RMDN2: variants seen among roughly 807,000 people sequenced by gnomAD.
RMDN2 encodes the protein regulator of microtubule dynamics 2.
In RMDN2, 61 loss-of-function variants were observed where a neutral mutation model predicts 52.8. The ratio of observed to expected loss-of-function variants is 1.16; its 90% CI spans 0.94 to 1.43. The LOEUF (loss-of-function observed/expected upper bound fraction) is 1.43, where lower values mean the gene tolerates loss of function less well. Ranked by LOEUF, RMDN2 falls within the 40% of genes most tolerant of loss-of-function variation. RMDN2 has a pLI of 0.00. For missense variants in RMDN2, 592 were observed against 475.3 expected (o/e 1.25, Z -2.28); for synonymous variants, 180 against 153.1 (o/e 1.18, Z -1.30).
intron 2 of RMDN2, among the ~76,000 whole-genome samples, chr2:37,972,620 G>A (rs555386037): frequency 1.1e-4 from 16 of 152,266 alleles, no homozygotes; most frequent in African/African-American, 3.6e-4. Flanking sequence ...CTACTCTGTT[G>A]AGAATAGAAT....
intron 2 of RMDN2, among the ~76,000 whole-genome samples, chr2:37,937,973 T>C (rs2124918406): frequency 1.3e-5 from 2 of 152,350 alleles, no homozygotes. Flanking sequence ...GTGCCGGTTT[T>C]TAAAGGAAAT....
rs2125185710 is a variant in RMDN2, at chr2:38,002,721, G to C, written c.1045-1270G>C. ...CAAACGGCTGATAGTGGTTACCTCTGTGGCATGAGCCTGAAGTTGAGAATA... is the reference window on the plus strand; with the variant it reads ...CAAACGGCTGATAGTGGTTACCTCTCTGGCATGAGCCTGAAGTTGAGAATA... On this transcript the variant is annotated intron_variant, in intron 8 of 10. Transcript: ENST00000354545. The C allele has an allele frequency of 1.3e-5, 2 of 152,366 alleles. 1 individual carries two copies. The highest frequency in any genetic ancestry group is 1.3e-4 in the Admixed American group (2 of 15,308). The allele number at this position is 152,366 out of a possible 1,614,324, so 9.4% of individuals were successfully genotyped here. A position where few individuals can be genotyped will look rare whatever the true frequency, so the allele number is the denominator to read the frequency against.
At chr2:37,957,054 A>G (rs1669573874) in intron 2 of RMDN2, among the ~76,000 whole-genome samples, 1 of 152,062 alleles carries the variant, frequency 6.6e-6, no homozygotes, top group Non-Finnish European at 1.5e-5. Context: ...TCAGTCTATC[A>G]CTCATGGGCA....
At chr2:38,040,519 CA>C (rs1422700342) in intron 10 of RMDN2, among the ~76,000 whole-genome samples, 2 of 152,152 alleles carry the variant, frequency 1.3e-5, no homozygotes, top group Non-Finnish European at 2.9e-5. Flanking sequence ...CACCAGACAC[CA>C]CATCTGCTGG....
chr2:38,022,280 A>G (rs1481105029), downstream of RMDN2, among the ~76,000 whole-genome samples: 1 of 152,248 alleles, frequency 6.6e-6, no homozygotes, highest in African/African-American at 2.4e-5. Flanking sequence ...TGACAGGATT[A>G]TATGTAGAAC....
intron 2 of RMDN2, among the ~76,000 whole-genome samples, chr2:37,934,556 A>T (rs1667129831): frequency 6.6e-6 from 1 of 151,828 alleles, no homozygotes; most frequent in East Asian, 1.9e-4. Flanking sequence ...TTTATTTTTT[A>T]TTTTTTATTT....
chr2:37,923,838 C>T (rs1666101584), upstream of RMDN2, among the ~76,000 whole-genome samples: 1 of 152,190 alleles, frequency 6.6e-6, no homozygotes, highest in African/African-American at 2.4e-5. Flanking sequence ...CAACTTCTGC[C>T]TCTGAGGTTT....
chr2:37,962,797 A>T (rs938299543), intron 2 of RMDN2, among the ~76,000 whole-genome samples: 6 of 152,118 alleles, frequency 3.9e-5, no homozygotes, highest in Non-Finnish European at 5.9e-5. Flanking sequence ...ACGGCTGCCC[A>T]GTTTTGTGCT....
chr2:37,967,371 T>C (rs1456178910), intron 2 of RMDN2, among the ~76,000 whole-genome samples: 1 of 152,192 alleles, frequency 6.6e-6, no homozygotes, highest in Non-Finnish European at 1.5e-5. Flanking sequence ...TCTTGAAGCA[T>C]TTCTTTAAGG....
exon 11 of RMDN2, chr2:38,067,000 TA>T: frequency 1.9e-6 from 3 of 1,613,892 alleles, no homozygotes; most frequent in Non-Finnish European, 1.7e-6. Context: ...GTCTGGAAGA[TA>T]AAGAGCCTTT....
rs143149132 is a variant in RMDN2, at chr2:37,974,185, T to G, written c.598T>G (p.Phe200Val). ...GAGTGAGTCTGGCAAGTCGGAGAGT[T>G]TTGAACTACTTCGTGACCACAAAGA... The part of the protein sequence containing the change: ...RMSESGKSES[F>V]ELLRDHKEKF... The change falls in exon 3 of 11, where the codon TTT (phenylalanine) becomes GTT (valine). Residue 200 changes from phenylalanine to valine, a missense_variant. Transcript: ENST00000354545. 7.4e-6 allele frequency: 12 copies of G among 1,612,700 alleles called. No homozygotes were observed. The African/African-American group carries it at 1.6e-4, about 22-fold the overall frequency.
intron 2 of RMDN2, among the ~76,000 whole-genome samples, chr2:37,930,228 T>C (rs1346817522): frequency 6.6e-6 from 1 of 152,230 alleles, no homozygotes; most frequent in Non-Finnish European, 1.5e-5. Context: ...TATTTAATTG[T>C]AATTAAATTT....
intron 10 of RMDN2, among the ~76,000 whole-genome samples, chr2:38,046,234 C>T (rs1681265017): frequency 6.6e-6 from 1 of 152,126 alleles, no homozygotes; most frequent in South Asian, 2.1e-4. Context: ...GTACATATCC[C>T]AACTCACTCA....
intron 2 of RMDN2, among the ~76,000 whole-genome samples, chr2:37,949,353 A>C (rs1179843252): frequency 6.6e-6 from 1 of 152,322 alleles, no homozygotes; most frequent in Non-Finnish European, 1.5e-5. Context: ...GTGGTAGATC[A>C]TCTAAGCTCA....
chr2:38,062,569 C>A (rs1209444041), intron 10 of RMDN2, among the ~76,000 whole-genome samples: 1 of 152,008 alleles, frequency 6.6e-6, no homozygotes, highest in Admixed American at 6.6e-5. Flanking sequence ...GTTTTCATTT[C>A]TCTAGGATAA....
Position 37,929,435 on chromosome 2 carries a change from C to G in RMDN2, c.158C>G (p.Thr53Ser), listed in dbSNP as rs1666544212. Residue 53 changes from threonine to serine, a missense_variant, in exon 2 of 11, where the codon ACT becomes AGT. Transcript: ENST00000354545. ...LSLGNTFNSI[T>S]LQDEIHDDQG... The stretch of plus-strand genomic sequence containing the variant: ...CTGGGTAATACATTTAATTCAATAA[C>G]TTTGCAAGATGAAATACATGATGAC... The G allele has an allele frequency of 1.3e-6, 2 of 1,551,484 alleles. No individual in the cohort carries two copies. The highest frequency in any genetic ancestry group is 2.0e-5 in the Admixed American group (1 of 50,970).
chr2:37,943,790 G>T (rs1282902647), intron 2 of RMDN2, among the ~76,000 whole-genome samples: 1 of 152,244 alleles, frequency 6.6e-6, no homozygotes, highest in South Asian at 2.1e-4. Flanking sequence ...AAGTTGGAGT[G>T]TAGTCTTTTC....
intron 2 of RMDN2, among the ~76,000 whole-genome samples, chr2:37,960,023 C>T (rs962677455): frequency 3.9e-5 from 6 of 152,094 alleles, no homozygotes; most frequent in Admixed American, 3.3e-4. Context: ...GTTATGATTT[C>T]TGTTCTTTTA....
intron 10 of RMDN2, among the ~76,000 whole-genome samples, chr2:38,022,787 C>A (rs1225977447): frequency 3.3e-5 from 5 of 152,168 alleles, no homozygotes; most frequent in Non-Finnish European, 5.9e-5. Flanking sequence ...TATTTTTATA[C>A]TTTTCGATTT....
Sources: gnomAD v4.1 joint callset for allele counts (sites outside exome capture counted in the v4.1 genomes callset) on GRCh38, gnomAD v4.1.1 for gene constraint, MANE v1.5 for transcripts, NCBI Gene and HGNC (gene_info 2026-07-23, HGNC 2026-07-21) for gene names.